ANK3: variants seen among roughly 807,000 people sequenced by gnomAD.
ANK3 encodes the protein ankyrin 3, also known as ankyrin-3.
Under a neutral mutation model 370.9 loss-of-function variants are expected in ANK3, and 57 were observed. That is an observed-to-expected ratio of 0.15 (90% CI 0.12 to 0.19). ANK3 has a LOEUF of 0.19. Among genes scored for constraint, ANK3 ranks in the 10% least tolerant of loss-of-function variants. The pLI is 1.00. For synonymous variants in ANK3, 1,929 were observed against 1,946.3 expected (o/e 0.99, Z 0.23); for missense variants, 4,439 against 5,302.1 (o/e 0.84, Z 5.06).
intron 2 of ANK3, among the ~76,000 whole-genome samples, chr10:60,594,606 TACAC>T (rs149268310): frequency 6.6e-6 from 1 of 151,616 alleles, no homozygotes; most frequent in African/African-American, 2.4e-5. Flanking sequence ...TGCCTATTTT[TACAC>T]ACACACACAC....
intron 18 of ANK3, among the ~76,000 whole-genome samples, chr10:60,176,072 C>T (rs1203875664): frequency 6.6e-6 from 1 of 151,656 alleles, no homozygotes; most frequent in East Asian, 1.9e-4. Flanking sequence ...GTGGCTCACG[C>T]CTGTACTCCC....
chr10:60,206,702 C>A (rs1485074312), intron 10 of ANK3, among the ~76,000 whole-genome samples: 1 of 152,160 alleles, frequency 6.6e-6, no homozygotes, highest in Non-Finnish European at 1.5e-5. Flanking sequence ...ATGTAAATAA[C>A]CCATTATTTG....
At chr10:60,719,502 C>T (rs1397309903) in intron 1 of ANK3, among the ~76,000 whole-genome samples, 2 of 152,048 alleles carry the variant, frequency 1.3e-5, no homozygotes, top group African/African-American at 4.8e-5. Context: ...ATATCCTCAA[C>T]ATTATAAAGA....
chr10:60,157,438 G>A (rs1306519305), intron 23 of ANK3, among the ~76,000 whole-genome samples: 1 of 151,306 alleles, frequency 6.6e-6, no homozygotes, highest in Non-Finnish European at 1.5e-5. Context: ...GGGCCCAGGT[G>A]TTTATACCAC....
At position 60,297,295 on chromosome 10, in the gene ANK3, G is replaced by A. The variant is rs569983959; in HGVS notation, c.115-17656C>T. Among the ~76,000 whole-genome samples the A allele has an allele frequency of 9.3e-4, 141 of 152,254 alleles. 1 individual carries two copies. Among genetic ancestry groups the A allele is most frequent in the Middle Eastern group, 6.8e-3 (2 of 294 alleles). ...CTACCCAACATTATTCTCTGGAAAT[G>A]TTTGCGATCATGAATATCTACAAAG... is the stretch of plus-strand genomic sequence containing the variant. On this transcript the variant is annotated intron_variant, in intron 1 of 43. Transcript: ENST00000280772.
Position 60,389,447 on chromosome 10 carries a change from C to T in ANK3, c.92G>A (p.Arg31Gln), listed in dbSNP as rs141511303. ...TACCTTTTTCTTCCGATCCCGGGAC[C>T]GTTTGCGGTGTTTCCTTTTTTTCTC... Reference protein sequence around the residue: ...EPEKKRKHRKRSRDRKKKSDA... With the variant: ...EPEKKRKHRKQSRDRKKKSDA... The change falls in exon 1 of 44, where the codon CGG becomes CAG. Residue 31 changes from arginine (R) to glutamine (Q), a missense_variant. By Grantham distance (43) the Arg-to-Gln change is conservative (BLOSUM62 1). Coordinates refer to ENST00000280772, the MANE Select transcript of ANK3 (RefSeq NM_020987.5). 75 of 1,613,960 alleles carry T rather than the reference C, an allele frequency of 4.6e-5. No individual in the cohort carries two copies. The highest frequency in any genetic ancestry group is 2.8e-4 in the Admixed American group (17 of 60,004).
chr10:60,060,274 C>T, intron 40 of ANK3: 1 of 266,314 alleles, frequency 3.8e-6, no homozygotes, highest in East Asian at 6.7e-5. Context: ...GCACACTAAT[C>T]CAAAGTATGC....
At chr10:60,540,592 G>A (rs1448824262) in intron 2 of ANK3, among the ~76,000 whole-genome samples, 1 of 151,918 alleles carries the variant, frequency 6.6e-6, no homozygotes, top group Non-Finnish European at 1.5e-5. Context: ...ATGGTACAGT[G>A]GGGAAGGTAC....
At chr10:60,346,301 TA>T (rs34457459) in intron 1 of ANK3, among the ~76,000 whole-genome samples, 104,515 of 151,198 alleles carry the variant, frequency 0.69, 37,561 homozygotes, top group South Asian at 0.91. Flanking sequence ...CAAAAAAGGT[TA>T]AAAAAAAAGA....
intron 2 of ANK3, among the ~76,000 whole-genome samples, chr10:60,563,821 TA>T (rs1028067715): frequency 6.6e-6 from 1 of 152,184 alleles, no homozygotes; most frequent in African/African-American, 2.4e-5. Context: ...ATCCTTTTTA[TA>T]ATAAAAAGCT....
At chr10:60,703,185 G>A (rs987962914) in intron 1 of ANK3, among the ~76,000 whole-genome samples, 1 of 152,160 alleles carries the variant, frequency 6.6e-6, no homozygotes, top group Non-Finnish European at 1.5e-5. Context: ...CTTGAACTTA[G>A]TGGATATTTG....
intron 2 of ANK3, among the ~76,000 whole-genome samples, chr10:60,471,401 T>C (rs1160764076): frequency 6.6e-6 from 1 of 152,180 alleles, no homozygotes; most frequent in Non-Finnish European, 1.5e-5. Flanking sequence ...TTTTTCCAGT[T>C]ACTGGTATAC....
At chr10:60,531,708 T>C (rs1265787209) in intron 2 of ANK3, among the ~76,000 whole-genome samples, 1 of 152,114 alleles carries the variant, frequency 6.6e-6, no homozygotes, top group Non-Finnish European at 1.5e-5. Context: ...GTACAAGTCT[T>C]GGTGAGCTCA....
intron 42 of ANK3, among the ~76,000 whole-genome samples, chr10:60,051,823 G>GTAGT (rs1356362505): frequency 1.3e-5 from 2 of 151,390 alleles, no homozygotes; most frequent in Admixed American, 6.6e-5. Context: ...AAAGATCAAG[G>GTAGT]TAGTTATAAG....
At chr10:60,644,617 T>C (rs1378848974) in intron 1 of ANK3, among the ~76,000 whole-genome samples, 1 of 152,134 alleles carries the variant, frequency 6.6e-6, no homozygotes, top group African/African-American at 2.4e-5. Flanking sequence ...GCTTGGTTTA[T>C]GGGATTGATT....
intron 2 of ANK3, among the ~76,000 whole-genome samples, chr10:60,439,522 A>T (rs781677389): frequency 1.5e-4 from 23 of 151,498 alleles, no homozygotes; most frequent in Admixed American, 2.6e-4. Flanking sequence ...AAAATAATTT[A>T]AAAAAAAACA....
intron 38 of ANK3, among the ~76,000 whole-genome samples, chr10:60,067,137 C>T (rs1324149801): frequency 1.3e-5 from 2 of 152,086 alleles, no homozygotes; most frequent in Non-Finnish European, 1.5e-5. Context: ...GTAGGCTAGT[C>T]CTGACATTAA....
At chr10:60,454,785 TTGAA>T (rs776035947) in intron 2 of ANK3, among the ~76,000 whole-genome samples, 2 of 152,190 alleles carry the variant, frequency 1.3e-5, no homozygotes, top group Non-Finnish European at 2.9e-5. Context: ...GAAGCGCTAA[TTGAA>T]TGGGTTATTA....
intron 2 of ANK3, among the ~76,000 whole-genome samples, chr10:60,409,489 T>G (rs2063517226): frequency 6.6e-6 from 1 of 152,216 alleles, no homozygotes; most frequent in Non-Finnish European, 1.5e-5. Flanking sequence ...GTTGGCTGAT[T>G]CACTTTCCAC....
Sources: gnomAD v4.1 joint callset for allele counts (sites outside exome capture counted in the v4.1 genomes callset) on GRCh38, gnomAD v4.1.1 for gene constraint, MANE v1.5 for transcripts, NCBI Gene and HGNC (gene_info 2026-07-23, HGNC 2026-07-21) for gene names.